TBC1D5: variants seen among roughly 807,000 people sequenced by gnomAD.
TBC1D5 encodes TBC1 domain family member 5, also known as TBC1 domain family, member 5.
TBC1D5 carries 75 observed loss-of-function variants against 100.3 expected under a neutral mutation model. The observed-to-expected ratio is 0.75, with a 90% CI of 0.62 to 0.91. The LOEUF (loss-of-function observed/expected upper bound fraction) is 0.91. Among genes scored for constraint, TBC1D5 ranks in the 40% least tolerant of loss-of-function variants. The pLI is 0.00. For synonymous variants in TBC1D5, 323 were observed against 325.6 expected, an observed-to-expected ratio of 0.99 and a Z score of 0.09; for missense variants, 910 against 942.4, an observed-to-expected ratio of 0.97 and a Z score of 0.45.
At chr3:17,630,764 G>A (rs979353808) in intron 1 of TBC1D5, among the ~76,000 whole-genome samples, 106 of 151,944 alleles carry the variant, frequency 7.0e-4, no homozygotes, top group African/African-American at 2.4e-3. Flanking sequence ...GGCTGGGCAC[G>A]GTGGCTCATG....
intron 18 of TBC1D5, among the ~76,000 whole-genome samples, chr3:17,186,934 A>C (rs1353423447): frequency 6.6e-6 from 1 of 152,046 alleles, no homozygotes; most frequent in African/African-American, 2.4e-5. Flanking sequence ...GGATAATTAG[A>C]AGTAATTTTG....
At chr3:17,530,137 G>A (rs2096199968) in intron 2 of TBC1D5, among the ~76,000 whole-genome samples, 1 of 151,800 alleles carries the variant, frequency 6.6e-6, no homozygotes, top group Admixed American at 6.6e-5. Flanking sequence ...CCAGCTACTT[G>A]GGAGGCTAAG....
At position 17,594,836 on chromosome 3, in the gene TBC1D5, AG is replaced by A. The variant is rs550639344; in HGVS notation, c.-36+29012del. The stretch of plus-strand genomic sequence containing the variant: ...AGATGCGAATGGGTTCCAATTGACA[AG>A]GGGTGGACGTGTGATGGTTAATACG... On this transcript the variant is annotated intron_variant, in intron 2 of 21. Transcript: ENST00000253692. Among the ~76,000 whole-genome samples, 206 of 152,240 alleles carry A rather than the reference AG, an allele frequency of 1.4e-3. 2 individuals carry two copies. Among genetic ancestry groups the A allele is most frequent in the Admixed American group, 0.013 (194 of 15,288 alleles).
chr3:17,413,521 T>C, intron 4 of TBC1D5, among the ~76,000 whole-genome samples: 1 of 151,064 alleles, frequency 6.6e-6, no homozygotes, highest in East Asian at 1.9e-4. Context: ...TTTGTAATTA[T>C]ATATTTTAAC....
At chr3:17,159,788 G>C (rs1016199097) in exon 22 of TBC1D5, 7 of 152,278 alleles carry the variant, frequency 4.6e-5, no homozygotes, top group Admixed American at 4.6e-4. Context: ...CTGAGCACAG[G>C]CCCTGCAGTA....
intron 16 of TBC1D5, 149 bp downstream of exon 16, chr3:17,258,357 A>G (rs1392551956): frequency 8.1e-6 from 6 of 744,242 alleles, no homozygotes; most frequent in Non-Finnish European, 1.3e-5. Flanking sequence ...TTATGCCTTT[A>G]AAATAACTTG....
chr3:17,236,840 T>A (rs2075897638), intron 17 of TBC1D5, among the ~76,000 whole-genome samples: 1 of 152,084 alleles, frequency 6.6e-6, no homozygotes, highest in Non-Finnish European at 1.5e-5. Context: ...TTATATAAAA[T>A]CTAGTATTTT....
At chr3:17,357,206 A>G (rs1211636539) in intron 13 of TBC1D5, among the ~76,000 whole-genome samples, 1 of 152,200 alleles carries the variant, frequency 6.6e-6, no homozygotes, top group Non-Finnish European at 1.5e-5. Context: ...AGAATAAAAG[A>G]CTGCACAGGC....
chr3:17,739,029 A>G (rs1239646282), intron 1 of TBC1D5, among the ~76,000 whole-genome samples: 16 of 152,180 alleles, frequency 1.1e-4, no homozygotes, highest in Admixed American at 9.2e-4. Flanking sequence ...TCTAGTAATA[A>G]TTGATGCTAC....
chr3:17,228,634 A>G (rs2075136716), intron 17 of TBC1D5, among the ~76,000 whole-genome samples: 1 of 152,104 alleles, frequency 6.6e-6, no homozygotes, highest in Non-Finnish European at 1.5e-5. Context: ...AATCCAGGCC[A>G]TGGTCTGCTT....
At chr3:17,488,985 G>C (rs1051803965) in intron 3 of TBC1D5, among the ~76,000 whole-genome samples, 2 of 150,798 alleles carry the variant, frequency 1.3e-5, no homozygotes, top group Admixed American at 1.3e-4. Context: ...ATGTGGAACA[G>C]TTTCATTCCC....
chr3:17,434,226 C>T (rs949924363), intron 3 of TBC1D5, among the ~76,000 whole-genome samples: 1 of 152,240 alleles, frequency 6.6e-6, no homozygotes, highest in African/African-American at 2.4e-5. Flanking sequence ...TGTATGGGGA[C>T]TCCAACCCCA....
At chr3:17,601,868 T>C (rs1275281905) in intron 2 of TBC1D5, among the ~76,000 whole-genome samples, 2 of 152,240 alleles carry the variant, frequency 1.3e-5, no homozygotes, top group African/African-American at 4.8e-5. Context: ...CTCGCTCTGT[T>C]GCCCAGGCTG....
intron 2 of TBC1D5, among the ~76,000 whole-genome samples, chr3:17,559,488 G>C (rs993455663): frequency 4.6e-5 from 7 of 151,870 alleles, no homozygotes; most frequent in African/African-American, 1.5e-4. Context: ...CTTTACAAAT[G>C]CCACAGGATA....
intron 2 of TBC1D5, among the ~76,000 whole-genome samples, chr3:17,519,243 T>G (rs1032188074): frequency 1.3e-5 from 2 of 152,238 alleles, no homozygotes; most frequent in Non-Finnish European, 2.9e-5. Flanking sequence ...CTTATAGACC[T>G]TCTCAAGATT....
intron 9 of TBC1D5, among the ~76,000 whole-genome samples, chr3:17,379,055 G>A (rs2092824633): frequency 6.6e-6 from 1 of 150,446 alleles, no homozygotes; most frequent in Admixed American, 6.6e-5. Context: ...ATAAAGATTC[G>A]ACCTTTAAAA....
At chr3:17,665,248 T>C (rs2067133009) in intron 1 of TBC1D5, among the ~76,000 whole-genome samples, 1 of 152,056 alleles carries the variant, frequency 6.6e-6, no homozygotes, top group African/African-American at 2.4e-5. Flanking sequence ...AGGGGCCTAG[T>C]AAGGCCCCAG....
At chr3:17,160,731 G>A (rs1374549900) in exon 22 of TBC1D5, 3 of 530,438 alleles carry the variant, frequency 5.7e-6, no homozygotes, top group East Asian at 3.0e-5. Flanking sequence ...AGTCGGGTGG[G>A]GATTAGGTAA....
chr3:17,213,596 T>C (rs749884470), intron 18 of TBC1D5, among the ~76,000 whole-genome samples: 7 of 151,744 alleles, frequency 4.6e-5, no homozygotes, highest in African/African-American at 7.3e-5. Flanking sequence ...CAAAACCCCA[T>C]CTCTAATAAA....
Sources: gnomAD v4.1 joint callset for allele counts (sites outside exome capture counted in the v4.1 genomes callset) on GRCh38, gnomAD v4.1.1 for gene constraint, MANE v1.5 for transcripts, NCBI Gene and HGNC (gene_info 2026-07-23, HGNC 2026-07-21) for gene names.